ARHGAP42: variants seen among roughly 807,000 people sequenced by gnomAD.
ARHGAP42 encodes the protein Rho GTPase activating protein 42.
In ARHGAP42, 63 loss-of-function variants were observed where a neutral mutation model predicts 125.0. The observed-to-expected ratio is 0.50, with a 90% CI of 0.41 to 0.62. ARHGAP42 has a LOEUF of 0.62. Among genes scored for constraint, ARHGAP42 ranks in the 20% least tolerant of loss-of-function variants. ARHGAP42 has a pLI of 0.00. For missense variants in ARHGAP42, 766 were observed against 1,024.2 expected, an observed-to-expected ratio of 0.75 and a Z score of 3.44; for synonymous variants, 339 against 351.0, an observed-to-expected ratio of 0.97 and a Z score of 0.38.
At chr11:100,807,367 T>C (rs898240865) in intron 3 of ARHGAP42, among the ~76,000 whole-genome samples, 2 of 152,104 alleles carry the variant, frequency 1.3e-5, no homozygotes, top group Non-Finnish European at 2.9e-5. Context: ...GGCCAATTTT[T>C]GTATTTTTAG....
chr11:100,873,266 T>C (rs1468727954), intron 4 of ARHGAP42, among the ~76,000 whole-genome samples: 1 of 152,230 alleles, frequency 6.6e-6, no homozygotes. Flanking sequence ...TTTTTCTTTC[T>C]TTTTGGAGAA....
At chr11:100,773,216 C>T (rs1041369741) in intron 2 of ARHGAP42, among the ~76,000 whole-genome samples, 4 of 152,144 alleles carry the variant, frequency 2.6e-5, no homozygotes, top group South Asian at 2.1e-4. Context: ...TTAGCCTTAG[C>T]GCTTGACCCA....
At chr11:100,855,548 A>G (rs1276933233) in intron 3 of ARHGAP42, among the ~76,000 whole-genome samples, 2 of 152,080 alleles carry the variant, frequency 1.3e-5, no homozygotes, top group Non-Finnish European at 2.9e-5. Context: ...GAAAATTATA[A>G]TTCATGATTA....
intron 22 of ARHGAP42, among the ~76,000 whole-genome samples, chr11:100,982,737 G>T (rs2135330675): frequency 6.6e-6 from 1 of 152,176 alleles, no homozygotes; most frequent in Admixed American, 6.5e-5. Flanking sequence ...TTGAGTGTCT[G>T]GTTCATTGTA....
chr11:100,807,573 C>T (rs1479050545), intron 3 of ARHGAP42, among the ~76,000 whole-genome samples: 1 of 152,130 alleles, frequency 6.6e-6, no homozygotes, highest in Admixed American at 6.5e-5. Flanking sequence ...AGTGTGATGT[C>T]GACCTCCAGT....
intron 4 of ARHGAP42, among the ~76,000 whole-genome samples, chr11:100,908,270 C>T (rs554668485): frequency 1.3e-5 from 2 of 152,244 alleles, no homozygotes; most frequent in African/African-American, 4.8e-5. Context: ...TTGGTACTTG[C>T]TTGTCATCAG....
intron 11 of ARHGAP42, 128 bp from the exon 12 acceptor site, chr11:100,949,789 A>C (rs1295769126): frequency 6.2e-6 from 3 of 483,192 alleles, no homozygotes; most frequent in Admixed American, 4.1e-5. Flanking sequence ...GGTGCTGTGG[A>C]CACAGCAGTT....
chr11:100,775,207 GC>G (rs1863090343), intron 2 of ARHGAP42, among the ~76,000 whole-genome samples: 1 of 152,214 alleles, frequency 6.6e-6, no homozygotes, highest in East Asian at 1.9e-4. Flanking sequence ...TGCACTAACT[GC>G]CCACTTTTTA....
At chr11:100,822,020 A>C (rs1353220184) in intron 3 of ARHGAP42, among the ~76,000 whole-genome samples, 3 of 152,090 alleles carry the variant, frequency 2.0e-5, no homozygotes, top group Non-Finnish European at 4.4e-5. Context: ...GGTCCAGATA[A>C]ATGTACGGGT....
At chr11:100,876,304 C>T (rs972793755) in intron 4 of ARHGAP42, among the ~76,000 whole-genome samples, 9 of 152,006 alleles carry the variant, frequency 5.9e-5, no homozygotes, top group African/African-American at 9.7e-5. Flanking sequence ...AAAATATATA[C>T]GTTCTTAGTT....
intron 10 of ARHGAP42, among the ~76,000 whole-genome samples, chr11:100,947,463 A>G (rs986871290): frequency 6.6e-6 from 1 of 151,992 alleles, no homozygotes; most frequent in East Asian, 1.9e-4. Context: ...AGGTTTTTTC[A>G]TCTTTAAATT....
intron 3 of ARHGAP42, among the ~76,000 whole-genome samples, chr11:100,821,859 C>A (rs956843306): frequency 7.9e-5 from 12 of 152,050 alleles, no homozygotes; most frequent in Non-Finnish European, 1.8e-4. Flanking sequence ...TACATTAATC[C>A]GAACCACATT....
At position 100,805,653 on chromosome 11, in the gene ARHGAP42, T is replaced by C. The variant is rs148136688; in HGVS notation, c.312+10487T>C. 4.4e-3 allele frequency among the ~76,000 whole-genome samples: 670 copies of C among 152,262 alleles called. 3 individuals are homozygous for C. The highest frequency in any genetic ancestry group is 0.015 in the African/African-American group (639 of 41,554). On this transcript the variant is annotated intron_variant, in intron 3 of 23. Transcript: ENST00000298815. Reference sequence around the variant, plus strand: ...TTATAGTTACTTCTTGATTATATGCTAAACAAGGGGTGGAGTATTCAGGAG... The same window carrying C: ...TTATAGTTACTTCTTGATTATATGCCAAACAAGGGGTGGAGTATTCAGGAG...
At chr11:100,979,761 A>G (rs1365082749) in intron 22 of ARHGAP42, among the ~76,000 whole-genome samples, 1 of 151,976 alleles carries the variant, frequency 6.6e-6, no homozygotes, top group Non-Finnish European at 1.5e-5. Flanking sequence ...CCTATTGTTG[A>G]AAGAGCATAT....
intron 4 of ARHGAP42, among the ~76,000 whole-genome samples, chr11:100,897,170 G>A (rs1355081505): frequency 6.6e-6 from 1 of 152,154 alleles, no homozygotes; most frequent in Non-Finnish European, 1.5e-5. Context: ...TGTTATTTCT[G>A]AGGTCTCTGT....
intron 1 of ARHGAP42, among the ~76,000 whole-genome samples, chr11:100,767,300 A>C (rs982349721): frequency 6.6e-5 from 10 of 152,198 alleles, no homozygotes; most frequent in African/African-American, 2.4e-4. Context: ...CAGACGGGAT[A>C]CTGAGGTACA....
chr11:100,727,621 AG>A (rs1193091949), intron 1 of ARHGAP42, among the ~76,000 whole-genome samples: 1 of 152,124 alleles, frequency 6.6e-6, no homozygotes, highest in Non-Finnish European at 1.5e-5. Flanking sequence ...ATGAACTATG[AG>A]GTTCCGGGAG....
chr11:100,903,414 G>T (rs531791555), intron 4 of ARHGAP42, among the ~76,000 whole-genome samples: 24 of 151,990 alleles, frequency 1.6e-4, no homozygotes, highest in African/African-American at 5.5e-4. Flanking sequence ...GAAGAGCAGA[G>T]AAATCCAAAT....
chr11:100,783,334 G>A (rs1863357998), intron 2 of ARHGAP42, among the ~76,000 whole-genome samples: 1 of 152,214 alleles, frequency 6.6e-6, no homozygotes, highest in African/African-American at 2.4e-5. Flanking sequence ...TACTTGAGAG[G>A]CTGAGGTGGG....
Sources: allele counts gnomAD v4.1 joint callset (sites outside exome capture counted in the v4.1 genomes callset), GRCh38; gene constraint gnomAD v4.1.1; transcripts MANE v1.5; gene names NCBI Gene and HGNC (gene_info 2026-07-23, HGNC 2026-07-21).